Variants in GALNT13 observed in about 807,000 individuals in gnomAD.
The protein encoded by GALNT13 is polypeptide N-acetylgalactosaminyltransferase 13, also known as UDP-GalNAc:polypeptide N-acetylgalactosaminyltransferase 13.
GALNT13 carries 28 observed loss-of-function variants against 64.2 expected under a neutral mutation model. The observed-to-expected ratio is 0.44, with a 90% CI of 0.32 to 0.60. The LOEUF (loss-of-function observed/expected upper bound fraction) is 0.60. Among genes scored for constraint, GALNT13 ranks in the 20% least tolerant of loss-of-function variants. The pLI is 0.05. For synonymous variants in GALNT13, 214 were observed against 224.6 expected (o/e 0.95, Z 0.42); for missense variants, 577 against 669.8 (o/e 0.86, Z 1.53).
intron 3 of GALNT13, among the ~76,000 whole-genome samples, chr2:153,995,867 C>T (rs568135976): frequency 6.6e-6 from 1 of 152,264 alleles, no homozygotes; most frequent in African/African-American, 2.4e-5. Context: ...CACTATTCAA[C>T]TCTCCACTTC....
At chr2:153,160,843 G>A in the GALNT13 span, among the ~76,000 whole-genome samples, 1 of 152,118 alleles carries the variant, frequency 6.6e-6, no homozygotes, top group African/African-American at 2.4e-5. Flanking sequence ...CAAATTTCAA[G>A]TTATTAGGTT....
chr2:154,373,162 A>G (rs1371745898), intron 9 of GALNT13, among the ~76,000 whole-genome samples: 1 of 152,142 alleles, frequency 6.6e-6, no homozygotes, highest in African/African-American at 2.4e-5. Context: ...CATACATTTT[A>G]TGGCAAACCT....
chr2:154,327,963 A>T (rs972338309), intron 9 of GALNT13, among the ~76,000 whole-genome samples: 1 of 152,102 alleles, frequency 6.6e-6, no homozygotes, highest in Non-Finnish European at 1.5e-5. Context: ...ATATTTTGTT[A>T]ACCTCACTCT....
chr2:153,965,081 A>C (rs1276275524), intron 3 of GALNT13, among the ~76,000 whole-genome samples: 1 of 152,152 alleles, frequency 6.6e-6, no homozygotes, highest in East Asian at 1.9e-4. Flanking sequence ...GATACATAAC[A>C]GTTTTACATA....
At chr2:154,064,175 G>A (rs1374440474) in intron 3 of GALNT13, among the ~76,000 whole-genome samples, 1 of 152,162 alleles carries the variant, frequency 6.6e-6, no homozygotes, top group Non-Finnish European at 1.5e-5. Flanking sequence ...CTGATGGAAG[G>A]AGCATGTACA....
chr2:153,251,591 G>A, the GALNT13 span, among the ~76,000 whole-genome samples: 1 of 151,170 alleles, frequency 6.6e-6, no homozygotes, highest in African/African-American at 2.4e-5. Flanking sequence ...TCTCGCATTA[G>A]GTATATCTCC....
chr2:153,078,116 A>G, the GALNT13 span, among the ~76,000 whole-genome samples: 127 of 151,636 alleles, frequency 8.4e-4, no homozygotes, highest in Non-Finnish European at 1.4e-3. Context: ...TTGTAAATGG[A>G]GATATCTTTT....
chr2:153,622,444 A>T, the GALNT13 span, among the ~76,000 whole-genome samples: 29,444 of 152,128 alleles, frequency 0.19, 3,028 homozygotes, highest in African/African-American at 0.24. Context: ...ACAAAAGCAC[A>T]TTTTTGGCAT....
chr2:154,067,987 T>A (rs868400757), intron 3 of GALNT13, among the ~76,000 whole-genome samples: 3 of 151,622 alleles, frequency 2.0e-5, no homozygotes, highest in African/African-American at 7.3e-5. Context: ...TAAACCAGAG[T>A]ATATAAGGAG....
At chr2:154,283,710 T>A (rs1438088331) in intron 8 of GALNT13, among the ~76,000 whole-genome samples, 1 of 151,890 alleles carries the variant, frequency 6.6e-6, no homozygotes, top group Non-Finnish European at 1.5e-5. Flanking sequence ...CATCTATATG[T>A]GTGTGTGTGT....
At chr2:153,119,679 G>A in the GALNT13 span, among the ~76,000 whole-genome samples, 3 of 152,148 alleles carry the variant, frequency 2.0e-5, no homozygotes, top group Non-Finnish European at 4.4e-5. Context: ...TTGCCTATGC[G>A]CATGCCAGGT....
the GALNT13 span, among the ~76,000 whole-genome samples, chr2:153,078,145 T>C: frequency 6.6e-6 from 1 of 152,096 alleles, no homozygotes; most frequent in Non-Finnish European, 1.5e-5. Context: ...TATTATTTTT[T>C]TTTAACTTGT....
chr2:153,604,619 G>T, the GALNT13 span, among the ~76,000 whole-genome samples: 1 of 151,992 alleles, frequency 6.6e-6, no homozygotes, highest in Non-Finnish European at 1.5e-5. Context: ...ATATGTCAAA[G>T]TGCTATTTTA....
chr2:153,624,441 C>T, the GALNT13 span, among the ~76,000 whole-genome samples: 1 of 152,186 alleles, frequency 6.6e-6, no homozygotes, highest in East Asian at 1.9e-4. Context: ...TGACATATGT[C>T]ACATCCAAAC....
At chr2:154,444,204 A>G (rs1668607749) in intron 12 of GALNT13, among the ~76,000 whole-genome samples, 3 of 152,060 alleles carry the variant, frequency 2.0e-5, no homozygotes, top group African/African-American at 7.2e-5. Context: ...CTAATTAGGC[A>G]TTTGCAACAA....
the GALNT13 span, among the ~76,000 whole-genome samples, chr2:153,527,990 T>C: frequency 2.0e-5 from 3 of 151,726 alleles, no homozygotes; most frequent in Non-Finnish European, 2.9e-5. Context: ...CCTTTACTAA[T>C]GGGAATACGA....
At chr2:153,783,324 C>A in the GALNT13 span, among the ~76,000 whole-genome samples, 1 of 152,088 alleles carries the variant, frequency 6.6e-6, no homozygotes, top group Non-Finnish European at 1.5e-5. Flanking sequence ...TTACATTTGT[C>A]TTGAAACCAA....
At chr2:153,554,852 T>A in the GALNT13 span, among the ~76,000 whole-genome samples, 1 of 152,160 alleles carries the variant, frequency 6.6e-6, no homozygotes, top group East Asian at 1.9e-4. Flanking sequence ...TCTTTTTATA[T>A]CCTTTTAAAA....
chr2:154,136,588 ATCT>A (rs1325965206), intron 3 of GALNT13, among the ~76,000 whole-genome samples: 3 of 152,164 alleles, frequency 2.0e-5, no homozygotes, highest in African/African-American at 4.8e-5. Flanking sequence ...TAATATGATC[ATCT>A]TCTTTAACAC....
Sources: gnomAD v4.1 joint callset for allele counts (sites outside exome capture counted in the v4.1 genomes callset) on GRCh38, gnomAD v4.1.1 for gene constraint, MANE v1.5 for transcripts, NCBI Gene and HGNC (gene_info 2026-07-23, HGNC 2026-07-21) for gene names.